PTPRG: variants seen among roughly 807,000 people sequenced by gnomAD.
The protein encoded by PTPRG is protein tyrosine phosphatase receptor type G.
Under a neutral mutation model 165.3 loss-of-function variants are expected in PTPRG, and 102 were observed. The ratio of observed to expected loss-of-function variants is 0.62; its 90% CI spans 0.53 to 0.73. The LOEUF (loss-of-function observed/expected upper bound fraction) is 0.73. PTPRG is among the 30% of genes least tolerant of loss of function. The probability of loss-of-function intolerance (pLI) is 0.00; values close to 1 mark genes in which losing one functional copy is unlikely to be tolerated. For missense variants in PTPRG, 1,866 were observed against 1,861.4 expected (o/e 1.00, Z -0.05); for synonymous variants, 675 against 669.5 (o/e 1.01, Z -0.13).
chr3:61,870,153 C>G (rs1338635872), intron 2 of PTPRG, among the ~76,000 whole-genome samples: 1 of 151,530 alleles, frequency 6.6e-6, no homozygotes, highest in Non-Finnish European at 1.5e-5. Flanking sequence ...AAATGCCCAG[C>G]ATTATTGTTT....
intron 4 of PTPRG, among the ~76,000 whole-genome samples, chr3:62,040,728 C>T (rs1421746050): frequency 1.3e-5 from 2 of 152,190 alleles, no homozygotes; most frequent in Admixed American, 6.5e-5. Context: ...AGGTGTGAGC[C>T]ACCGTGCCCA....
Position 61,989,669 on chromosome 3 carries a change from G to T in PTPRG, c.235G>T (p.Gly79Trp), listed in dbSNP as rs960375424. 3.1e-6 allele frequency: 5 copies of T among 1,614,106 alleles called. No homozygotes were observed. The South Asian group carries it at 5.5e-5, about 18-fold the overall frequency. The change falls in exon 3 of 30, where the codon GGG (glycine) becomes TGG (tryptophan). Residue 79 changes from glycine to tryptophan, a missense_variant. Gly to Trp is a radical substitution (Grantham distance 184, BLOSUM62 -2). Transcript: ENST00000474889. ...CTGGGTCACGTCTAGTGTCAGCTGTGGGGGCCGTCACCAGTCTCCTATTGA... is the reference window on the plus strand; with the variant it reads ...CTGGGTCACGTCTAGTGTCAGCTGTTGGGGCCGTCACCAGTCTCCTATTGA... ...EHWVTSSVSC[G>W]GRHQSPIDIL...
intron 4 of PTPRG, among the ~76,000 whole-genome samples, chr3:62,021,821 A>G (rs1240819272): frequency 7.0e-6 from 1 of 143,848 alleles, no homozygotes; most frequent in Admixed American, 6.9e-5. Context: ...TTGAAATTAT[A>G]TGTAAAATTT....
chr3:61,578,221 G>A (rs1192981344), intron 1 of PTPRG, among the ~76,000 whole-genome samples: 1 of 152,208 alleles, frequency 6.6e-6, no homozygotes, highest in Admixed American at 6.5e-5. Flanking sequence ...CATCTCGCTT[G>A]AGCTCCTGCT....
At chr3:61,704,255 G>T (rs1254735204) in intron 1 of PTPRG, among the ~76,000 whole-genome samples, 1 of 152,168 alleles carries the variant, frequency 6.6e-6, no homozygotes, top group Non-Finnish European at 1.5e-5. Context: ...TGTAAAAAGG[G>T]TATAGTAACT....
chr3:62,268,565 C>T (rs934876385), intron 19 of PTPRG, among the ~76,000 whole-genome samples: 1 of 152,090 alleles, frequency 6.6e-6, no homozygotes, highest in Non-Finnish European at 1.5e-5. Flanking sequence ...AAAATCACCA[C>T]TGCTTCATGT....
intron 1 of PTPRG, among the ~76,000 whole-genome samples, chr3:61,645,733 T>A (rs1195302087): frequency 1.3e-5 from 2 of 152,330 alleles, no homozygotes; most frequent in Admixed American, 6.5e-5. Context: ...TGTGGTGTTG[T>A]GAAAGCAGCC....
chr3:62,258,195 A>G (rs1325068267), intron 16 of PTPRG, among the ~76,000 whole-genome samples: 3 of 152,166 alleles, frequency 2.0e-5, no homozygotes, highest in Non-Finnish European at 4.4e-5. Flanking sequence ...ACTTATAAAA[A>G]TCTTATCCAA....
intron 1 of PTPRG, among the ~76,000 whole-genome samples, chr3:61,740,265 T>G (rs2032925592): frequency 6.6e-6 from 1 of 152,172 alleles, no homozygotes; most frequent in South Asian, 2.1e-4. Context: ...AGTAGTAAAA[T>G]GGCCTGAAAG....
At chr3:62,069,453 AAGAAGTGAG>A (rs1387896145) in intron 4 of PTPRG, among the ~76,000 whole-genome samples, 1 of 152,222 alleles carries the variant, frequency 6.6e-6, no homozygotes, top group Non-Finnish European at 1.5e-5. Flanking sequence ...GCCTGTTAGA[AAGAAGTGAG>A]AGAAGATGAT....
chr3:61,920,768 C>T (rs1295852658), intron 2 of PTPRG, among the ~76,000 whole-genome samples: 4 of 152,032 alleles, frequency 2.6e-5, no homozygotes, highest in Non-Finnish European at 4.4e-5. Context: ...TTCCTTATGC[C>T]CCCTGAGATA....
At chr3:62,189,109 G>A (rs545070003) in intron 8 of PTPRG, among the ~76,000 whole-genome samples, 1 of 152,186 alleles carries the variant, frequency 6.6e-6, no homozygotes, top group East Asian at 1.9e-4. Context: ...TCCCTTCTCT[G>A]GTGGCATTTG....
At chr3:61,929,496 A>G (rs7640448) in intron 2 of PTPRG, among the ~76,000 whole-genome samples, 2,579 of 152,266 alleles carry the variant, frequency 0.017, 38 homozygotes, top group South Asian at 0.076. Context: ...TTCTAGTTCT[A>G]TATGCTTTTC....
chr3:62,082,256 A>G (rs915185313), intron 5 of PTPRG, among the ~76,000 whole-genome samples: 1 of 152,104 alleles, frequency 6.6e-6, no homozygotes, highest in African/African-American at 2.4e-5. Flanking sequence ...ACATGTGCCC[A>G]TTATTCCTGG....
chr3:61,738,299 T>TATATATATAC (rs2032824153), intron 1 of PTPRG, among the ~76,000 whole-genome samples: 1 of 87,358 alleles, frequency 1.1e-5, no homozygotes, highest in South Asian at 4.1e-4. Context: ...TATATATATA[T>TATATATATAC]ATATATATAT....
At chr3:62,007,310 TC>T (rs778361207) in intron 4 of PTPRG, among the ~76,000 whole-genome samples, 44 of 152,384 alleles carry the variant, frequency 2.9e-4, no homozygotes, top group Non-Finnish European at 5.1e-4. Context: ...AATCCTAGAC[TC>T]CGTCTTGTAG....
chr3:61,916,343 G>C (rs1451750804), intron 2 of PTPRG, among the ~76,000 whole-genome samples: 1 of 152,142 alleles, frequency 6.6e-6, no homozygotes, highest in South Asian at 2.1e-4. Flanking sequence ...AATTATTTTA[G>C]TAATGAGATT....
At chr3:62,183,216 G>A (rs1297431229) in intron 8 of PTPRG, among the ~76,000 whole-genome samples, 2 of 152,198 alleles carry the variant, frequency 1.3e-5, no homozygotes, top group Non-Finnish European at 2.9e-5. Context: ...GCTGTGAAAT[G>A]TTCTAACAGC....
intron 28 of PTPRG, among the ~76,000 whole-genome samples, chr3:62,288,837 A>G (rs1702769413): frequency 6.6e-6 from 1 of 152,180 alleles, no homozygotes; most frequent in Non-Finnish European, 1.5e-5. Context: ...GAGAATGGCC[A>G]TGAGCTGTTG....
Sources: gnomAD v4.1 joint callset for allele counts (sites outside exome capture counted in the v4.1 genomes callset) on GRCh38, gnomAD v4.1.1 for gene constraint, MANE v1.5 for transcripts, NCBI Gene and HGNC (gene_info 2026-07-23, HGNC 2026-07-21) for gene names.